The following P2RX3 variants were observed in gnomAD, a reference collection of about 807,000 sequenced individuals.
P2RX3 encodes purinergic receptor P2X 3, also known as P2X purinoceptor 3.
A neutral mutation model predicts 51.5 loss-of-function variants in P2RX3; 41 were observed. That is an observed-to-expected ratio of 0.80 (90% CI 0.62 to 1.03). The LOEUF (loss-of-function observed/expected upper bound fraction) is 1.03, where lower values mean the gene tolerates loss of function less well. Among genes scored for constraint, P2RX3 ranks in the 50% least tolerant of loss-of-function variants. P2RX3 has a pLI of 0.00. For missense variants in P2RX3, 459 were observed against 522.1 expected (o/e 0.88, Z 1.18); for synonymous variants, 185 against 191.6 (o/e 0.97, Z 0.29).
chr11:57,355,561 G>A (rs933184665), intron 8 of P2RX3, among the ~76,000 whole-genome samples: 5 of 151,980 alleles, frequency 3.3e-5, no homozygotes, highest in South Asian at 2.1e-4. Flanking sequence ...GGCTGGTCTC[G>A]AACTCCTAAC....
chr11:57,368,195 C>G (rs2134451295), intron 9 of P2RX3, 93 bp downstream of exon 9: 3 of 1,397,938 alleles, frequency 2.1e-6, no homozygotes, highest in South Asian at 2.3e-5. Context: ...GGGCAGGGGT[C>G]TGCTGCTGGC....
intron 1 of P2RX3, among the ~76,000 whole-genome samples, chr11:57,343,082 C>T (rs562825877): frequency 2.6e-5 from 4 of 152,244 alleles, no homozygotes; most frequent in African/African-American, 7.2e-5. Context: ...CCTCCAGAGA[C>T]AGCCTCAGCC....
chr11:57,350,776 C>G lies in P2RX3; in HGVS notation c.720C>G (p.Gly240=). 1 of 1,610,748 alleles carries G rather than the reference C, an allele frequency of 6.2e-7. No individual in the cohort carries two copies. Among genetic ancestry groups the G allele is most frequent in the Non-Finnish European group, 8.5e-7 (1 of 1,178,552 alleles). ...CGTTTCTTCAGGGGGGAGTTCTGGG[C>G]ATTAAGATCGGCTGGGTGTGCGACT... ...AKLARTGGVL[G]IKIGWVCDLD... The change falls in exon 8 of 12, where the codon GGC becomes GGG. Residue 240 remains glycine, a synonymous_variant. Coordinates refer to ENST00000263314, the MANE Select transcript of P2RX3 (RefSeq NM_002559.5).
chr11:57,367,864 CAGGG>C (rs1856819718), intron 8 of P2RX3, 141 bp from the exon 9 acceptor site: 1 of 647,316 alleles, frequency 1.5e-6, no homozygotes, highest in Non-Finnish European at 2.8e-6. Context: ...GCTAACCACA[CAGGG>C]AGGAGCGTGG....
chr11:57,364,491 A>T (rs1207706105), intron 8 of P2RX3, among the ~76,000 whole-genome samples: 1 of 152,174 alleles, frequency 6.6e-6, no homozygotes, highest in Non-Finnish European at 1.5e-5. Context: ...TATATTAAGG[A>T]ACTTCCTATA....
At chr11:57,348,438 C>T in intron 5 of P2RX3, 175 bp downstream of exon 5, 1 of 707,494 alleles carries the variant, frequency 1.4e-6, no homozygotes, top group Non-Finnish European at 2.3e-6. Context: ...AGCCCACCCA[C>T]CTGCCTCCTC....
chr11:57,360,843 T>C (rs2013314), intron 8 of P2RX3, among the ~76,000 whole-genome samples: 50,813 of 150,306 alleles, frequency 0.34, 10,294 homozygotes, highest in East Asian at 0.64. Flanking sequence ...GAGATATGGC[T>C]CATAGTCCGT....
rs1481848889 is a variant in P2RX3, at chr11:57,350,787, G to C, written c.731G>C (p.Gly244Ala). Residue 244 changes from glycine (G) to alanine (A), a missense_variant, in exon 8 of 12, where the codon GGC (glycine) becomes GCC (alanine). Coordinates refer to ENST00000263314, the MANE Select transcript of P2RX3 (RefSeq NM_002559.5). ...GGGGGAGTTCTGGGCATTAAGATCG[G>C]CTGGGTGTGCGACTTGGACAAGGCC... ...RTGGVLGIKI[G>A]WVCDLDKAWD... 1 of 1,613,998 alleles carries C rather than the reference G, an allele frequency of 6.2e-7. No individual in the cohort carries two copies. The highest frequency in any genetic ancestry group is 1.3e-5 in the African/African-American group (1 of 74,974).
intron 1 of P2RX3, among the ~76,000 whole-genome samples, chr11:57,342,542 G>A (rs12800182): frequency 0.033 from 5,001 of 152,052 alleles, 102 homozygotes; most frequent in Non-Finnish European, 0.045. Context: ...AATATGGAAC[G>A]TAGAGCACTT....
At chr11:57,344,648 G>A (rs544787273) in intron 1 of P2RX3, among the ~76,000 whole-genome samples, 12 of 152,270 alleles carry the variant, frequency 7.9e-5, no homozygotes, top group African/African-American at 2.9e-4. Context: ...GCAGTGAGCC[G>A]AGATGGCGCC....
At chr11:57,363,727 G>T (rs1264432896) in intron 8 of P2RX3, among the ~76,000 whole-genome samples, 1 of 152,132 alleles carries the variant, frequency 6.6e-6, no homozygotes, top group African/African-American at 2.4e-5. Flanking sequence ...ACAGGGGTGG[G>T]CAGATTCTGT....
intron 1 of P2RX3, among the ~76,000 whole-genome samples, chr11:57,339,926 A>G (rs1243274674): frequency 6.6e-6 from 1 of 152,208 alleles, no homozygotes; most frequent in Non-Finnish European, 1.5e-5. Flanking sequence ...TTCAGTGGGC[A>G]GGTATTGTAA....
At chr11:57,353,843 C>T (rs1387323919) in intron 8 of P2RX3, among the ~76,000 whole-genome samples, 2 of 133,498 alleles carry the variant, frequency 1.5e-5, no homozygotes, top group Admixed American at 1.5e-4. Flanking sequence ...TCACTCCCCC[C>T]CCCCCGCCCC....
At chr11:57,342,961 G>A (rs1021612587) in intron 1 of P2RX3, among the ~76,000 whole-genome samples, 15 of 152,176 alleles carry the variant, frequency 9.9e-5, no homozygotes, top group African/African-American at 2.9e-4. Flanking sequence ...GCTGCCACAC[G>A]CCTTCCGCTC....
chr11:57,346,752 A>G (rs537293105), intron 2 of P2RX3, 73 bp downstream of exon 2: 17 of 1,568,596 alleles, frequency 1.1e-5, no homozygotes, highest in Non-Finnish European at 1.4e-5. Flanking sequence ...AAAGCGAGCA[A>G]AGAGTGCCAA....
At position 57,365,785 on chromosome 11, in the gene P2RX3, G is replaced by A. The variant is rs1433936739; in HGVS notation, c.843-2224G>A. Among the ~76,000 whole-genome samples, 5 of 152,220 alleles carry A rather than the reference G, an allele frequency of 3.3e-5. No individual in the cohort carries two copies. In the South Asian group the frequency reaches 6.2e-4, roughly 19 times the overall value. The stretch of plus-strand genomic sequence containing the variant: ...ATGCCCCACTGCCAGATGGCAGCCA[G>A]AGCAGATAGTGGCATACGTTCTCCT... On this transcript the variant is annotated intron_variant, in intron 8 of 11. Transcript: ENST00000263314.
In P2RX3 at chr11:57,370,307, G is replaced by T; in HGVS notation, c.*310G>T. 1 of 312,668 alleles carries T rather than the reference G, an allele frequency of 3.2e-6. No individual in the cohort carries two copies. 19.4% of individuals were successfully genotyped at this position (312,668 alleles called of 1,614,324 possible). On this transcript the variant is annotated 3_prime_UTR_variant, in exon 12 of 12. Transcript: ENST00000263314. ...TAATGTAGGACAGATGGCCACAAGGGCCTACCAAGTGCCAGGCACTTTCAC... is the reference window on the plus strand; with the variant it reads ...TAATGTAGGACAGATGGCCACAAGGTCCTACCAAGTGCCAGGCACTTTCAC...
chr11:57,368,557 C>G, intron 10 of P2RX3, 120 bp downstream of exon 10: 1 of 1,107,308 alleles, frequency 9.0e-7, no homozygotes, highest in Non-Finnish European at 1.3e-6. Flanking sequence ...AAACCCCTAC[C>G]CCCACTTGCT....
At chr11:57,343,995 C>G (rs965090326) in intron 1 of P2RX3, among the ~76,000 whole-genome samples, 1 of 152,108 alleles carries the variant, frequency 6.6e-6, no homozygotes, top group Non-Finnish European at 1.5e-5. Context: ...AGGCATACTT[C>G]CTTGTGAAAT....
Sources: gnomAD v4.1 joint callset for allele counts (sites outside exome capture counted in the v4.1 genomes callset) on GRCh38, gnomAD v4.1.1 for gene constraint, MANE v1.5 for transcripts, NCBI Gene and HGNC (gene_info 2026-07-23, HGNC 2026-07-21) for gene names.